MCTP2: variants seen among roughly 807,000 people sequenced by gnomAD.
MCTP2 encodes multiple C2 and transmembrane domain containing 2.
MCTP2 carries 132 observed loss-of-function variants against 111.6 expected under a neutral mutation model. That is an observed-to-expected ratio of 1.18 (90% CI 1.03 to 1.37). The LOEUF (loss-of-function observed/expected upper bound fraction) is 1.37. MCTP2 is among the 40% of genes most tolerant of loss of function. The pLI, the probability that MCTP2 is intolerant of heterozygous loss-of-function variation, is 0.00. For synonymous variants in MCTP2, 395 were observed against 387.7 expected, an observed-to-expected ratio of 1.02 and a Z score of -0.22; for missense variants, 1,183 against 1,067.9, an observed-to-expected ratio of 1.11 and a Z score of -1.50.
At chr15:94,331,467 T>G (rs1259468499) in intron 4 of MCTP2, among the ~76,000 whole-genome samples, 2 of 150,962 alleles carry the variant, frequency 1.3e-5, no homozygotes, top group Admixed American at 6.6e-5. Context: ...TGTGGAGGTC[T>G]GGGATGGTAT....
At chr15:94,435,793 G>A (rs1365513854) in intron 17 of MCTP2, among the ~76,000 whole-genome samples, 4 of 143,814 alleles carry the variant, frequency 2.8e-5, no homozygotes, top group Admixed American at 6.9e-5. Flanking sequence ...CACTACACCC[G>A]GCTAATTTTT....
chr15:94,361,200 G>C (rs1286430604), intron 10 of MCTP2, among the ~76,000 whole-genome samples: 1 of 147,560 alleles, frequency 6.8e-6, no homozygotes, highest in Admixed American at 6.9e-5. Flanking sequence ...TGCATCAGGA[G>C]GCTCTCTGCT....
chr15:94,330,826 C>A (rs1173821463), intron 4 of MCTP2, among the ~76,000 whole-genome samples: 1 of 152,116 alleles, frequency 6.6e-6, no homozygotes, highest in Non-Finnish European at 1.5e-5. Flanking sequence ...CCTCTGCCTC[C>A]CAGGCTCAAG....
intron 2 of MCTP2, among the ~76,000 whole-genome samples, chr15:94,306,633 C>T (rs1248149840): frequency 1.3e-5 from 2 of 152,200 alleles, no homozygotes; most frequent in African/African-American, 4.8e-5. Context: ...TGAATGGGCT[C>T]ATTGTCATGG....
At chr15:94,275,087 G>A (rs1403896263) in intron 1 of MCTP2, among the ~76,000 whole-genome samples, 1 of 152,158 alleles carries the variant, frequency 6.6e-6, no homozygotes, top group Non-Finnish European at 1.5e-5. Flanking sequence ...GGTTGCAGAA[G>A]AAGCAATTAC....
chr15:94,427,670 G>A (rs1156484870), intron 17 of MCTP2, among the ~76,000 whole-genome samples: 1 of 152,134 alleles, frequency 6.6e-6, no homozygotes, highest in Non-Finnish European at 1.5e-5. Context: ...GGGACACAGA[G>A]CCAAACCATA....
At chr15:94,319,038 T>TG (rs1433881850) in intron 4 of MCTP2, among the ~76,000 whole-genome samples, 3 of 14,228 alleles carry the variant, frequency 2.1e-4, no homozygotes, top group Non-Finnish European at 2.8e-4. Flanking sequence ...TTGTTCTTGG[T>TG]TTTTTTTTTT....
intron 3 of MCTP2, 39 bp from the exon 4 acceptor site, chr15:94,315,490 C>G: frequency 6.9e-7 from 1 of 1,442,720 alleles, no homozygotes; most frequent in Non-Finnish European, 9.7e-7. Context: ...TGCTTGGGCC[C>G]AAGACATACT....
rs1406324517 is a variant in MCTP2 at position 94,479,010 on chromosome 15, G to A, written c.2613G>A (p.Leu871=). The change falls in exon 23 of 23, where the codon CTG becomes CTA. Residue 871 remains leucine (L), a synonymous_variant. Transcript: ENST00000357742. ...AACTCTGCAGCAGCCACAGCCCCCT[G>A]CGGAAGAAGCGCAGCGCTCTCTAGG... is the stretch of plus-strand genomic sequence containing the variant. ...ELKLCSSHSP[L]RKKRSAL 6.2e-7 allele frequency: 1 copy of A among 1,614,102 alleles called. No individual in the cohort carries two copies. The highest frequency in any genetic ancestry group is 8.5e-7 in the Non-Finnish European group (1 of 1,180,008).
intron 1 of MCTP2, among the ~76,000 whole-genome samples, chr15:94,284,460 A>G (rs2074654883): frequency 1.3e-5 from 2 of 152,210 alleles, no homozygotes; most frequent in Admixed American, 1.3e-4. Flanking sequence ...TATATTATAG[A>G]TCTTTCCATA....
rs111787877 is a variant in MCTP2 at position 94,415,647 on chromosome 15, C to T, written c.2085+13628C>T. Among the ~76,000 whole-genome samples the T allele has an allele frequency of 7.8e-3, 1,180 of 152,048 alleles. 11 individuals carry two copies. Among genetic ancestry groups the T allele is most frequent in the African/African-American group, 0.027 (1,132 of 41,492 alleles). On this transcript the variant is annotated intron_variant, in intron 17 of 22. Coordinates refer to ENST00000357742, the MANE Select transcript of MCTP2 (RefSeq NM_001385001.1). ...CTCGGTGCGTCCCCCCAACCTCACC[C>T]CTCCCAACACACCCCCATTCTGAGA...
Position 94,440,028 on chromosome 15 carries a change from A to G in MCTP2, c.2086-148A>G, listed in dbSNP as rs531426019. On this transcript the variant is annotated intron_variant, in intron 17 of 22. Coordinates refer to ENST00000357742, the MANE Select transcript of MCTP2 (RefSeq NM_001385001.1). ...TACCAGTTCTAAAAATGAGTTGATC[A>G]TTGTGTGTGTGCGTACCTGTTTGGA... 52 of 852,800 alleles carry G rather than the reference A, an allele frequency of 6.1e-5. No individual in the cohort carries two copies. In the South Asian group the frequency reaches 7.7e-4, roughly 13 times the overall value. 52.8% of individuals were successfully genotyped at this position (852,800 alleles called of 1,614,324 possible).
Position 94,458,263 on chromosome 15 carries a change from T to C in MCTP2, c.2360+17T>C, listed in dbSNP as rs1353165401. On this transcript the variant is annotated intron_variant, in intron 20 of 22. Coordinates refer to ENST00000357742, the MANE Select transcript of MCTP2 (RefSeq NM_001385001.1). ...GATTAAGAAGTAAGTTCTAAATTTG[T>C]GTTGTGGTGTTTGCAGTAGACCTGC... 2 of 1,498,784 alleles carry C rather than the reference T, an allele frequency of 1.3e-6. No homozygotes were observed. The highest frequency in any genetic ancestry group is 1.1e-5 in the South Asian group (1 of 88,650). The allele number at this position is 1,498,784 out of a possible 1,614,324, so 92.8% of individuals were successfully genotyped here.
chr15:94,357,564 TG>T (rs201812998), intron 9 of MCTP2, among the ~76,000 whole-genome samples: 67 of 142,542 alleles, frequency 4.7e-4, no homozygotes, highest in African/African-American at 2.6e-4. Context: ...TTTTTGTTTT[TG>T]TTTTTTTCCC....
At chr15:94,306,353 T>A (rs2075879653) in intron 2 of MCTP2, among the ~76,000 whole-genome samples, 1 of 152,234 alleles carries the variant, frequency 6.6e-6, no homozygotes, top group Non-Finnish European at 1.5e-5. Flanking sequence ...TTAACATTGC[T>A]TATTTTTCAG....
At chr15:94,365,586 A>G (rs988012640) in intron 10 of MCTP2, among the ~76,000 whole-genome samples, 3 of 152,222 alleles carry the variant, frequency 2.0e-5, no homozygotes, top group African/African-American at 7.2e-5. Flanking sequence ...AGTTATTCCA[A>G]TTATGGTAAT....
intron 1 of MCTP2, among the ~76,000 whole-genome samples, chr15:94,279,104 T>C (rs1444084253): frequency 1.3e-5 from 2 of 152,216 alleles, no homozygotes; most frequent in African/African-American, 4.8e-5. Context: ...ATTTGGTCTC[T>C]TTTTTGGTTT....
intron 1 of MCTP2, among the ~76,000 whole-genome samples, chr15:94,258,772 G>A (rs1034096276): frequency 1.3e-5 from 2 of 152,142 alleles, no homozygotes; most frequent in African/African-American, 4.8e-5. Flanking sequence ...CCTAAAGGGA[G>A]AAAACAAATT....
chr15:94,394,049 C>CAAAAAA (rs767685107), intron 14 of MCTP2, among the ~76,000 whole-genome samples: 4 of 61,724 alleles, frequency 6.5e-5, no homozygotes, highest in South Asian at 6.2e-4. Flanking sequence ...AACTCCATCT[C>CAAAAAA]AAAAAAAAAA....
Sources: allele counts gnomAD v4.1 joint callset (sites outside exome capture counted in the v4.1 genomes callset), GRCh38; gene constraint gnomAD v4.1.1; transcripts MANE v1.5; gene names NCBI Gene and HGNC (gene_info 2026-07-23, HGNC 2026-07-21).